Variants in COL5A2 observed in about 807,000 individuals in gnomAD.
COL5A2 encodes the protein collagen alpha-2(V) chain.
Under a neutral mutation model 208.2 loss-of-function variants are expected in COL5A2, and 23 were observed. The observed-to-expected ratio is 0.11, with a 90% CI of 0.08 to 0.16. The LOEUF (loss-of-function observed/expected upper bound fraction) is 0.16. Ranked by LOEUF, COL5A2 falls within the 10% of genes least tolerant of loss-of-function variation. The pLI is 1.00. For missense variants in COL5A2, 1,590 were observed against 1,956.4 expected (o/e 0.81, Z 3.53); for synonymous variants, 625 against 628.5 (o/e 0.99, Z 0.08).
chr2:189,294,057 C>A, the COL5A2 span, among the ~76,000 whole-genome samples: 1 of 148,154 alleles, frequency 6.7e-6, no homozygotes, highest in Non-Finnish European at 1.5e-5. Flanking sequence ...CACTGCACTC[C>A]AGCCTGGGCG....
intron 16 of COL5A2, among the ~76,000 whole-genome samples, chr2:189,077,376 GA>G (rs1686430433): frequency 6.6e-6 from 1 of 152,164 alleles, no homozygotes. Context: ...CAAAAAAACA[GA>G]ATACAAAGTT....
the COL5A2 span, among the ~76,000 whole-genome samples, chr2:189,440,823 C>CAT: frequency 2.6e-5 from 4 of 152,074 alleles, no homozygotes; most frequent in Non-Finnish European, 5.9e-5. Flanking sequence ...CGGGACTGGC[C>CAT]GAATGTCAGA....
the COL5A2 span, among the ~76,000 whole-genome samples, chr2:189,294,557 T>A: frequency 6.6e-6 from 1 of 152,154 alleles, no homozygotes; most frequent in African/African-American, 2.4e-5. Flanking sequence ...ATTCTTAACA[T>A]AATCACTTTC....
At chr2:189,335,648 C>T in the COL5A2 span, among the ~76,000 whole-genome samples, 1 of 151,986 alleles carries the variant, frequency 6.6e-6, no homozygotes, top group Non-Finnish European at 1.5e-5. Flanking sequence ...ATGAAATAAG[C>T]CACCTACAAA....
intron 1 of COL5A2, among the ~76,000 whole-genome samples, chr2:189,141,931 T>G (rs1687941905): frequency 6.6e-6 from 1 of 152,114 alleles, no homozygotes; most frequent in Non-Finnish European, 1.5e-5. Context: ...GGAAAAATAT[T>G]TAAGATGTTT....
the COL5A2 span, among the ~76,000 whole-genome samples, chr2:189,282,663 T>C: frequency 6.6e-6 from 1 of 152,224 alleles, no homozygotes; most frequent in African/African-American, 2.4e-5. Context: ...TATATGTAAA[T>C]GAAATGTATT....
chr2:189,140,785 C>T (rs1687920092), intron 1 of COL5A2, among the ~76,000 whole-genome samples: 1 of 152,004 alleles, frequency 6.6e-6, no homozygotes, highest in Non-Finnish European at 1.5e-5. Context: ...ATAGAGAGAA[C>T]TTGAGTAAGT....
rs560429309 is a variant in COL5A2 at position 189,205,283 on chromosome 2, C to G, written c.-42+19865G>C. ...ATTTGTGTTCACTCTATACCAGACA[C>G]TGTGCTAAGTGCTTTATGTGGATTA... On this transcript the variant is annotated intron_variant, in intron 1 of 10. Coordinates refer to the COL5A2 transcript ENST00000649966. 9.2e-5 allele frequency among the ~76,000 whole-genome samples: 14 copies of G among 152,328 alleles called. No individual in the cohort carries two copies. The South Asian group carries it at 2.9e-3, about 32-fold the overall frequency.
At chr2:189,223,403 T>C (rs549113160) in intron 1 of COL5A2, among the ~76,000 whole-genome samples, 10 of 152,264 alleles carry the variant, frequency 6.6e-5, no homozygotes, top group African/African-American at 2.4e-4. Flanking sequence ...ATTCACTGAG[T>C]CTCTGTGAAC....
intron 1 of COL5A2, among the ~76,000 whole-genome samples, chr2:189,128,147 C>G (rs879888273): frequency 4.6e-5 from 7 of 152,036 alleles, no homozygotes; most frequent in Admixed American, 3.9e-4. Flanking sequence ...AATGGAATCA[C>G]AGCTGGAAGG....
At chr2:189,320,542 G>A in the COL5A2 span, among the ~76,000 whole-genome samples, 94 of 152,270 alleles carry the variant, frequency 6.2e-4, no homozygotes, top group African/African-American at 1.8e-3. Flanking sequence ...TAGCCGACTC[G>A]ATCAACTGGA....
intron 4 of COL5A2, among the ~76,000 whole-genome samples, chr2:189,099,600 G>A (rs571903825): frequency 8.5e-5 from 13 of 152,240 alleles, no homozygotes; most frequent in African/African-American, 3.1e-4. Context: ...ACTCCAGCCT[G>A]GGTAACAGAG....
chr2:189,346,368 T>C, the COL5A2 span, among the ~76,000 whole-genome samples: 4 of 152,132 alleles, frequency 2.6e-5, no homozygotes, highest in Non-Finnish European at 5.9e-5. Context: ...CAGGATAAGA[T>C]CCTTTTGCAA....
the COL5A2 span, among the ~76,000 whole-genome samples, chr2:189,329,369 G>C: frequency 6.6e-6 from 1 of 152,296 alleles, no homozygotes; most frequent in South Asian, 2.1e-4. Context: ...CAAAGTTTCA[G>C]TTAGATAGGA....
At chr2:189,220,362 T>C (rs1017917842) in intron 1 of COL5A2, among the ~76,000 whole-genome samples, 1 of 152,176 alleles carries the variant, frequency 6.6e-6, no homozygotes, top group Non-Finnish European at 1.5e-5. Flanking sequence ...AAAGTCAATG[T>C]CTTAGTGAGA....
At chr2:189,398,503 C>T in the COL5A2 span, among the ~76,000 whole-genome samples, 1 of 151,896 alleles carries the variant, frequency 6.6e-6, no homozygotes, top group Admixed American at 6.6e-5. Flanking sequence ...AAACTTTTAC[C>T]ATTATTACTT....
At chr2:189,285,553 T>C in the COL5A2 span, among the ~76,000 whole-genome samples, 1 of 152,058 alleles carries the variant, frequency 6.6e-6, no homozygotes, top group Non-Finnish European at 1.5e-5. Context: ...AAACTGAAGT[T>C]GAGATGAAAT....
At chr2:189,239,569 T>C in the COL5A2 span, among the ~76,000 whole-genome samples, 1 of 128,548 alleles carries the variant, frequency 7.8e-6, no homozygotes, top group Non-Finnish European at 1.5e-5. Flanking sequence ...AATTGAACAA[T>C]GAGAACACAT....
intron 1 of COL5A2, among the ~76,000 whole-genome samples, chr2:189,213,541 T>C (rs945661090): frequency 1.3e-5 from 2 of 151,972 alleles, no homozygotes; most frequent in East Asian, 1.9e-4. Flanking sequence ...ATGCAGGAAA[T>C]ATAGAGGGAA....
Sources: allele counts gnomAD v4.1 joint callset (sites outside exome capture counted in the v4.1 genomes callset), GRCh38; gene constraint gnomAD v4.1.1; transcripts MANE v1.5; gene names NCBI Gene and HGNC (gene_info 2026-07-23, HGNC 2026-07-21).